PDE1C: variants seen among roughly 807,000 people sequenced by gnomAD.
The protein encoded by PDE1C is dual specificity calcium/calmodulin-dependent 3',5'-cyclic nucleotide phosphodiesterase 1C.
A neutral mutation model predicts 93.1 loss-of-function variants in PDE1C; 62 were observed. The observed-to-expected ratio is 0.67, with a 90% CI of 0.54 to 0.82. PDE1C has a LOEUF of 0.82. Among genes scored for constraint, PDE1C ranks in the 40% least tolerant of loss-of-function variants. The pLI, the probability that PDE1C is intolerant of heterozygous loss-of-function variation, is 0.00. For synonymous variants in PDE1C, 325 were observed against 310.1 expected (o/e 1.05, Z -0.50); for missense variants, 742 against 884.6 (o/e 0.84, Z 2.04).
the PDE1C span, among the ~76,000 whole-genome samples, chr7:31,701,034 C>T: frequency 6.6e-6 from 1 of 151,194 alleles, no homozygotes; most frequent in Non-Finnish European, 1.5e-5. Flanking sequence ...TTCTGGAGCC[C>T]CTGGATTGAG....
chr7:32,267,785 C>T (rs1810711736), intron 1 of PDE1C, among the ~76,000 whole-genome samples: 1 of 152,094 alleles, frequency 6.6e-6, no homozygotes, highest in African/African-American at 2.4e-5. Context: ...TCTGTCCAGC[C>T]AAGGCCATGC....
At chr7:31,622,654 A>G in the PDE1C span, among the ~76,000 whole-genome samples, 1 of 152,208 alleles carries the variant, frequency 6.6e-6, no homozygotes, top group African/African-American at 2.4e-5. Context: ...AAGAGAAAGC[A>G]GGAAAGATCC....
intron 16 of PDE1C, chr7:31,790,071 A>G: frequency 1.4e-6 from 2 of 1,427,520 alleles, no homozygotes; most frequent in Non-Finnish European, 1.8e-6. Flanking sequence ...ATCCCCTGGA[A>G]GGAGATGGTG....
chr7:32,029,286 G>A (rs1789943430), intron 2 of PDE1C, among the ~76,000 whole-genome samples: 1 of 152,068 alleles, frequency 6.6e-6, no homozygotes, highest in Non-Finnish European at 1.5e-5. Context: ...ACTATACAGA[G>A]GTTCCTCAAA....
At chr7:32,272,588 T>A (rs1811040426) in intron 1 of PDE1C, among the ~76,000 whole-genome samples, 1 of 152,224 alleles carries the variant, frequency 6.6e-6, no homozygotes. Flanking sequence ...AAGTTGCCCG[T>A]GTCACTCTTG....
intron 2 of PDE1C, among the ~76,000 whole-genome samples, chr7:31,889,731 C>T (rs1473649494): frequency 1.3e-5 from 2 of 152,156 alleles, no homozygotes; most frequent in South Asian, 2.1e-4. Flanking sequence ...AGCCAAAATG[C>T]ACTGTCAAGT....
chr7:31,792,465 T>A (rs1291616614), intron 16 of PDE1C, among the ~76,000 whole-genome samples: 1 of 152,090 alleles, frequency 6.6e-6, no homozygotes, highest in African/African-American at 2.4e-5. Context: ...TTTCACAGCA[T>A]GAAACAAAAA....
the PDE1C span, among the ~76,000 whole-genome samples, chr7:31,726,580 C>A: frequency 6.6e-6 from 1 of 152,116 alleles, no homozygotes; most frequent in Non-Finnish European, 1.5e-5. Flanking sequence ...AGAAATAAGA[C>A]CATTCGTAGT....
chr7:31,670,287 T>A, the PDE1C span, among the ~76,000 whole-genome samples: 2 of 152,236 alleles, frequency 1.3e-5, no homozygotes, highest in African/African-American at 4.8e-5. Flanking sequence ...ACCACCATTC[T>A]GGTGCTGAAA....
intron 16 of PDE1C, among the ~76,000 whole-genome samples, chr7:31,802,205 G>T (rs934027766): frequency 6.6e-6 from 1 of 151,162 alleles, no homozygotes; most frequent in African/African-American, 2.4e-5. Flanking sequence ...TTTATCTGTT[G>T]CTGGCTAATC....
chr7:31,670,176 T>C, the PDE1C span, among the ~76,000 whole-genome samples: 7 of 152,222 alleles, frequency 4.6e-5, no homozygotes, highest in Non-Finnish European at 1.0e-4. Flanking sequence ...ACCAGAAGTA[T>C]TGCAGATTTT....
intron 16 of PDE1C, among the ~76,000 whole-genome samples, chr7:31,776,471 G>A (rs1269779699): frequency 6.6e-6 from 1 of 152,034 alleles, no homozygotes; most frequent in Non-Finnish European, 1.5e-5. Context: ...AATGGGTCAC[G>A]AGGCAATGAA....
chr7:31,938,260 A>C (rs1805355252), intron 2 of PDE1C, among the ~76,000 whole-genome samples: 2 of 151,914 alleles, frequency 1.3e-5, no homozygotes, highest in South Asian at 4.2e-4. Flanking sequence ...AGCCTAGGAA[A>C]AAATTAACAG....
chr7:31,729,025 T>C, the PDE1C span, among the ~76,000 whole-genome samples: 1 of 152,206 alleles, frequency 6.6e-6, no homozygotes, highest in Non-Finnish European at 1.5e-5. Flanking sequence ...GCAGATGATA[T>C]TGGACCTTAG....
At chr7:32,211,270 G>A (rs990017179) in intron 1 of PDE1C, among the ~76,000 whole-genome samples, 1 of 152,040 alleles carries the variant, frequency 6.6e-6, no homozygotes, top group African/African-American at 2.4e-5. Context: ...CATTTTAAAA[G>A]AAAAGATTTC....
At chr7:32,169,453 C>G (rs188488685) in intron 3 of PDE1C, among the ~76,000 whole-genome samples, 29 of 152,230 alleles carry the variant, frequency 1.9e-4, no homozygotes, top group Admixed American at 1.6e-3. Flanking sequence ...TTCTCTATGC[C>G]CTTATCTGGA....
At chr7:31,703,732 A>T in the PDE1C span, among the ~76,000 whole-genome samples, 4 of 152,150 alleles carry the variant, frequency 2.6e-5, no homozygotes, top group Non-Finnish European at 5.9e-5. Context: ...AGACAAATAC[A>T]CTCTGGAGAC....
At chr7:31,774,111 T>C (rs1795676274) in intron 17 of PDE1C, among the ~76,000 whole-genome samples, 2 of 150,878 alleles carry the variant, frequency 1.3e-5, no homozygotes, top group Non-Finnish European at 2.9e-5. Flanking sequence ...CCACTAATTG[T>C]AAAATGAACT....
the PDE1C span, among the ~76,000 whole-genome samples, chr7:31,640,163 A>G: frequency 1.3e-5 from 2 of 151,956 alleles, no homozygotes; most frequent in African/African-American, 4.8e-5. Context: ...ATTATTTCTT[A>G]CTCCTGAAGC....
Sources: gnomAD v4.1 joint callset for allele counts (sites outside exome capture counted in the v4.1 genomes callset) on GRCh38, gnomAD v4.1.1 for gene constraint, MANE v1.5 for transcripts, NCBI Gene and HGNC (gene_info 2026-07-23, HGNC 2026-07-21) for gene names.